The following WNT2B variants were observed in gnomAD, a reference collection of about 807,000 sequenced individuals.
The protein encoded by WNT2B is protein Wnt-2b.
In WNT2B, 19 loss-of-function variants were observed where a neutral mutation model predicts 40.5. The ratio of observed to expected loss-of-function variants is 0.47; its 90% CI spans 0.33 to 0.69. WNT2B has a LOEUF of 0.69. Among genes scored for constraint, WNT2B ranks in the 30% least tolerant of loss-of-function variants. The pLI, the probability that WNT2B is intolerant of heterozygous loss-of-function variation, is 0.02. For missense variants in WNT2B, 467 were observed against 556.4 expected (o/e 0.84, Z 1.62); for synonymous variants, 220 against 211.9 (o/e 1.04, Z -0.33).
chr1:112,498,374 C>T (rs80006641), intron 1 of WNT2B, among the ~76,000 whole-genome samples: 6,756 of 152,072 alleles, frequency 0.044, 198 homozygotes, highest in Middle Eastern at 0.13. Context: ...CTGCCTCAGC[C>T]TCCCAAGTAG....
chr1:112,517,346 G>C lies in WNT2B; in HGVS notation c.907G>C (p.Asp303His). ...RATRTDLVYFDNSPDYCVLDK... is the reference protein window; with the variant it reads ...RATRTDLVYFHNSPDYCVLDK... ...CACCCGGACTGATCTTGTCTACTTT[G>C]ACAACTCTCCAGATTACTGTGTCTT... is the stretch of plus-strand genomic sequence containing the variant. The change falls in exon 4 of 5, where the codon GAC (aspartate) becomes CAC (histidine). Residue 303 changes from aspartate to histidine, a missense_variant. Around this residue, in one of 2 missense-constraint regions of WNT2B, gnomAD observed 330 missense variants for 438.6 expected, o/e 0.75. Transcript: ENST00000369684. The C allele has an allele frequency of 6.2e-7, 1 of 1,612,484 alleles. No homozygotes were observed. Among genetic ancestry groups the C allele is most frequent in the East Asian group, 2.2e-5 (1 of 44,804 alleles).
In WNT2B at chr1:112,509,186, A is replaced by G; in HGVS notation, c.-77A>G. ...CCATGGCCCCCCAGGGGGGTGAGGT[A>G]GGAGCAGCCTGAGTACCCCCAGAAG... is the stretch of plus-strand genomic sequence containing the variant. On this transcript the variant is annotated 5_prime_UTR_variant, in exon 1 of 5. Coordinates refer to ENST00000369684, the MANE Select transcript of WNT2B (RefSeq NM_024494.3). This position sits in a 1 kb window ranked among gnomAD's most constrained non-coding sequence, Gnocchi z 4.2. The G allele has an allele frequency of 2.8e-6, 4 of 1,413,262 alleles. No individual in the cohort carries two copies. Among genetic ancestry groups the G allele is most frequent in the Non-Finnish European group, 3.7e-6 (4 of 1,094,710 alleles). The allele number at this position is 1,413,262 out of a possible 1,614,324, so 87.5% of individuals were successfully genotyped here.
rs759825299 is a variant in WNT2B at position 112,520,492 on chromosome 1, T to C, written c.1159T>C (p.Trp387Arg). 4.0e-5 allele frequency: 65 copies of C among 1,613,864 alleles called. No homozygotes were observed. The highest frequency in any genetic ancestry group is 5.3e-5 in the Non-Finnish European group (63 of 1,179,944). ...TTGCAAAGCCCCCAAGAAGGCAGAGTGGCTGGACCAAACCTGAACACACAG... is the reference window on the plus strand; with the variant it reads ...TTGCAAAGCCCCCAAGAAGGCAGAGCGGCTGGACCAAACCTGAACACACAG... ...HTCKAPKKAE[W>R]LDQT is the part of the protein sequence containing the mutation. Residue 387 changes from tryptophan (W) to arginine (R), a missense_variant, in exon 5 of 5, where the codon TGG becomes CGG. Around this residue, in one of 2 missense-constraint regions of WNT2B, gnomAD observed 330 missense variants for 438.6 expected, o/e 0.75. Transcript: ENST00000369684.
intron 1 of WNT2B, among the ~76,000 whole-genome samples, chr1:112,488,773 C>A (rs576694312): frequency 6.6e-6 from 1 of 152,106 alleles, no homozygotes; most frequent in South Asian, 2.1e-4. Context: ...CCAGGATGGT[C>A]TCGATCTCCT....
intron 1 of WNT2B, among the ~76,000 whole-genome samples, chr1:112,496,159 G>A (rs1651762147): frequency 6.6e-6 from 1 of 152,134 alleles, no homozygotes; most frequent in Non-Finnish European, 1.5e-5. Flanking sequence ...TGTCATCCAG[G>A]TTAGAGTACA....
intron 1 of WNT2B, among the ~76,000 whole-genome samples, chr1:112,488,440 T>TC (rs201846513): frequency 7.3e-5 from 1 of 13,784 alleles, no homozygotes; most frequent in Admixed American, 7.8e-4. Flanking sequence ...AGATTGGCCT[T>TC]CTTCCTTACC....
In WNT2B at chr1:112,520,575, A is replaced by G. The variant is rs962178775; in HGVS notation, c.*66A>G. The G allele has an allele frequency of 4.0e-6, 6 of 1,515,436 alleles. No individual in the cohort carries two copies. In the African/African-American group the frequency reaches 8.3e-5, roughly 21 times the overall value. The allele number at this position is 1,515,436 out of a possible 1,614,324, so 93.9% of individuals were successfully genotyped here. ...CAACTCAAAAGCACAAGATCCTTGCATGCACACCTTCCTCCACCCTCCACC... is the reference window on the plus strand; with the variant it reads ...CAACTCAAAAGCACAAGATCCTTGCGTGCACACCTTCCTCCACCCTCCACC... On this transcript the variant is annotated 3_prime_UTR_variant, in exon 5 of 5. Coordinates refer to ENST00000369684, the MANE Select transcript of WNT2B (RefSeq NM_024494.3).
chr1:112,504,168 G>A (rs1040289697), upstream of WNT2B, among the ~76,000 whole-genome samples: 1 of 152,118 alleles, frequency 6.6e-6, no homozygotes, highest in Non-Finnish European at 1.5e-5. Flanking sequence ...TGGGCCACCC[G>A]CCCGGAATGG....
chr1:112,468,102 C>G (rs2101045373), intron 1 of WNT2B, among the ~76,000 whole-genome samples: 1 of 152,288 alleles, frequency 6.6e-6, no homozygotes, highest in Admixed American at 6.5e-5. Flanking sequence ...AACATAGTGA[C>G]TTCCAGCACC....
chr1:112,496,659 G>A (rs1358372530), intron 1 of WNT2B, among the ~76,000 whole-genome samples: 1 of 151,298 alleles, frequency 6.6e-6, no homozygotes, highest in Non-Finnish European at 1.5e-5. Context: ...GGAGCGCAAT[G>A]GTATGATCTT....
intron 2 of WNT2B, 48 bp from the exon 3 acceptor site, chr1:112,516,092 A>C (rs757307736): frequency 1.3e-6 from 2 of 1,570,374 alleles, no homozygotes; most frequent in Non-Finnish European, 1.7e-6. Context: ...AGAAGGGGAC[A>C]GACATGGGCC....
chr1:112,516,124 A>G lies in WNT2B; in HGVS notation c.404-16A>G. 6.2e-7 allele frequency: 1 copy of G among 1,603,426 alleles called. No individual in the cohort carries two copies. The highest frequency in any genetic ancestry group is 8.5e-7 in the Non-Finnish European group (1 of 1,172,600). ...GGCCTCTTTCCTGAAGCACACCTCT[A>G]CAATTCTCTCTCTAGGTAGCCGAGA... On this transcript the variant is annotated splice_polypyrimidine_tract_variant and intron_variant, in intron 2 of 4. Transcript: ENST00000369684.
intron 1 of WNT2B, among the ~76,000 whole-genome samples, chr1:112,502,219 C>T (rs954149359): frequency 5.3e-5 from 8 of 152,160 alleles, no homozygotes; most frequent in Non-Finnish European, 1.0e-4. Flanking sequence ...GAGGAGCCAC[C>T]GGGCTCTCCT....
chr1:112,481,509 C>T (rs1351654243), intron 1 of WNT2B, among the ~76,000 whole-genome samples: 1 of 152,114 alleles, frequency 6.6e-6, no homozygotes, highest in Non-Finnish European at 1.5e-5. Flanking sequence ...CAAGGATGCC[C>T]ACTTTCACCT....
At chr1:112,490,649 C>T (rs1454491676) in intron 1 of WNT2B, among the ~76,000 whole-genome samples, 1 of 151,924 alleles carries the variant, frequency 6.6e-6, no homozygotes, top group Non-Finnish European at 1.5e-5. Flanking sequence ...ATCACCACAC[C>T]CGGCTAATTT....
At chr1:112,490,646 C>T (rs143157067) in intron 1 of WNT2B, among the ~76,000 whole-genome samples, 9,677 of 152,010 alleles carry the variant, frequency 0.064, 361 homozygotes, top group Middle Eastern at 0.099. Flanking sequence ...CCCATCACCA[C>T]ACCCGGCTAA....
upstream of WNT2B, among the ~76,000 whole-genome samples, chr1:112,507,768 G>A (rs576195534): frequency 6.6e-6 from 1 of 152,324 alleles, no homozygotes; most frequent in East Asian, 1.9e-4. Context: ...CATATGAGGA[G>A]GCAGGAAAGA....
At position 112,467,592 on chromosome 1, in the gene WNT2B, G is replaced by C. The variant is rs769284672; in HGVS notation, c.-95+1G>C. ...AAGCATTTTTGGAATTCAACTAAAAGTAAGTTGAATGAAGCACTACTTTAT... is the reference window on the plus strand; with the variant it reads ...AAGCATTTTTGGAATTCAACTAAAACTAAGTTGAATGAAGCACTACTTTAT... On this transcript the variant is annotated splice_donor_variant, in intron 1 of 4. Coordinates refer to the WNT2B transcript ENST00000256640. LOFTEE classifies it low-confidence loss of function (5UTR_SPLICE). 1.3e-6 allele frequency: 1 copy of C among 780,658 alleles called. No individual in the cohort carries two copies. The highest frequency in any genetic ancestry group is 2.4e-5 in the East Asian group (1 of 41,252). 48.4% of individuals were successfully genotyped at this position (780,658 alleles called of 1,614,324 possible). A position where few individuals can be genotyped will look rare whatever the true frequency, so the allele number is the denominator to read the frequency against.
intron 1 of WNT2B, among the ~76,000 whole-genome samples, chr1:112,510,511 G>T (rs1652311850): frequency 6.6e-6 from 1 of 152,038 alleles, no homozygotes; most frequent in African/African-American, 2.4e-5. Context: ...TCCCCGAAAT[G>T]TGGTCTCTTC....
Sources: allele counts gnomAD v4.1 joint callset (sites outside exome capture counted in the v4.1 genomes callset), GRCh38; gene constraint gnomAD v4.1.1; regional missense constraint gnomAD v4.1.1; non-coding constraint Gnocchi (gnomAD v3.1); transcripts MANE v1.5; gene names NCBI Gene and HGNC (gene_info 2026-07-23, HGNC 2026-07-21).